Variants in RORA observed in about 807,000 individuals in gnomAD.
RORA encodes RAR related orphan receptor A, also known as nuclear receptor ROR-alpha.
RORA carries 7 observed loss-of-function variants against 69.5 expected under a neutral mutation model. The observed-to-expected ratio is 0.10, with a 90% CI of 0.06 to 0.19. RORA has a LOEUF of 0.19. Among genes scored for constraint, RORA ranks in the 10% least tolerant of loss-of-function variants. The probability of loss-of-function intolerance (pLI) is 1.00; values close to 1 mark genes in which losing one functional copy is unlikely to be tolerated. For missense variants in RORA, 457 were observed against 663.0 expected, an observed-to-expected ratio of 0.69 and a Z score of 3.41; for synonymous variants, 261 against 240.8, an observed-to-expected ratio of 1.08 and a Z score of -0.78.
chr15:61,179,405 T>A (rs911147900), intron 1 of RORA, among the ~76,000 whole-genome samples: 6 of 152,220 alleles, frequency 3.9e-5, no homozygotes, highest in Non-Finnish European at 7.4e-5. Context: ...TAAAAAAGAA[T>A]GCCACTCTTC....
intron 7 of RORA, 46 bp downstream of exon 7, chr15:60,503,489 A>G: frequency 6.2e-7 from 1 of 1,600,910 alleles, no homozygotes; most frequent in Non-Finnish European, 8.5e-7. Flanking sequence ...AAGCGGGTGA[A>G]AGCAGGTTAG....
intron 1 of RORA, among the ~76,000 whole-genome samples, chr15:60,920,714 A>G (rs1892016618): frequency 6.6e-6 from 1 of 152,222 alleles, no homozygotes; most frequent in Non-Finnish European, 1.5e-5. Context: ...TAATATTGAC[A>G]AATCTTCAGG....
intron 2 of RORA, among the ~76,000 whole-genome samples, chr15:60,532,269 C>A (rs1205497335): frequency 2.0e-5 from 3 of 152,186 alleles, no homozygotes; most frequent in Middle Eastern, 3.2e-3. Flanking sequence ...GAAAAATACA[C>A]TCTAAAAAGT....
At chr15:61,221,202 A>G (rs190141669) in intron 1 of RORA, among the ~76,000 whole-genome samples, 3 of 152,330 alleles carry the variant, frequency 2.0e-5, no homozygotes, top group Non-Finnish European at 2.9e-5. Flanking sequence ...CAGTACATGC[A>G]TTTATGTTTT....
At chr15:61,194,460 G>A (rs1028502248) in intron 1 of RORA, among the ~76,000 whole-genome samples, 2 of 151,674 alleles carry the variant, frequency 1.3e-5, no homozygotes, top group Non-Finnish European at 2.9e-5. Context: ...CTACTCGGGA[G>A]GCTGAGGCAG....
chr15:60,690,876 T>G (rs2070813483), intron 1 of RORA, among the ~76,000 whole-genome samples: 1 of 152,172 alleles, frequency 6.6e-6, no homozygotes, highest in Non-Finnish European at 1.5e-5. Context: ...CAGGAACAAT[T>G]TCACTAGCCT....
At chr15:60,767,624 A>T (rs140325462) in intron 1 of RORA, among the ~76,000 whole-genome samples, 14 of 152,010 alleles carry the variant, frequency 9.2e-5, no homozygotes, top group African/African-American at 3.4e-4. Flanking sequence ...CTGAAACTCA[A>T]CTCTGCTCTA....
At chr15:60,770,393 G>A (rs2072056275) in intron 1 of RORA, among the ~76,000 whole-genome samples, 1 of 152,120 alleles carries the variant, frequency 6.6e-6, no homozygotes, top group South Asian at 2.1e-4. Flanking sequence ...AAGAAATTAT[G>A]TTTTCAAAGC....
intron 1 of RORA, among the ~76,000 whole-genome samples, chr15:61,040,162 AT>A (rs1292693412): frequency 1.2e-4 from 15 of 123,496 alleles, no homozygotes; most frequent in East Asian, 5.1e-4. Flanking sequence ...ATATATATAT[AT>A]AAAATATATG....
At chr15:60,525,491 T>C (rs2066323790) in intron 3 of RORA, among the ~76,000 whole-genome samples, 1 of 152,254 alleles carries the variant, frequency 6.6e-6, no homozygotes, top group Admixed American at 6.5e-5. Context: ...TCCACTTCTG[T>C]ATACACATAT....
chr15:60,885,971 C>A (rs1457975441), intron 1 of RORA, among the ~76,000 whole-genome samples: 1 of 152,230 alleles, frequency 6.6e-6, no homozygotes, highest in Non-Finnish European at 1.5e-5. Flanking sequence ...CAGGCAGCTT[C>A]TCTGCTGCCT....
At chr15:61,044,175 T>A (rs1465271792) in intron 1 of RORA, among the ~76,000 whole-genome samples, 1 of 152,214 alleles carries the variant, frequency 6.6e-6, no homozygotes, top group Non-Finnish European at 1.5e-5. Flanking sequence ...TGTGCTTGTG[T>A]CCTGAGGTTT....
chr15:60,541,419 T>C (rs995866233), intron 2 of RORA, among the ~76,000 whole-genome samples: 57 of 152,358 alleles, frequency 3.7e-4, no homozygotes, highest in African/African-American at 1.4e-3. Context: ...TGACTTTCCC[T>C]AAATGCATGG....
chr15:60,611,914 G>A (rs1265563721), intron 2 of RORA, among the ~76,000 whole-genome samples: 1 of 152,152 alleles, frequency 6.6e-6, no homozygotes, highest in Non-Finnish European at 1.5e-5. Flanking sequence ...TTTCCCCTAA[G>A]TCCTTTTAAC....
chr15:60,854,081 G>A (rs532899050), intron 1 of RORA, among the ~76,000 whole-genome samples: 1 of 152,172 alleles, frequency 6.6e-6, no homozygotes, highest in South Asian at 2.1e-4. Context: ...GACCAACATG[G>A]TGAAACCCCA....
intron 1 of RORA, among the ~76,000 whole-genome samples, chr15:60,841,640 A>G (rs568279238): frequency 3.7e-4 from 57 of 152,324 alleles, no homozygotes; most frequent in African/African-American, 1.2e-3. Flanking sequence ...GGAGTGGATT[A>G]GAAATGATGG....
rs200456283 is a variant in RORA, at chr15:60,511,669, A to G, written c.425-48T>C. 433 of 1,531,476 alleles carry G rather than the reference A, an allele frequency of 2.8e-4. 2 individuals carry two copies. Among genetic ancestry groups the G allele is most frequent in the Non-Finnish European group, 2.5e-5 (28 of 1,141,114 alleles). 94.9% of individuals were successfully genotyped at this position (1,531,476 alleles called of 1,614,324 possible). A position where few individuals can be genotyped will look rare whatever the true frequency, so the allele number is the denominator to read the frequency against. ...TACTACATACAATGCGCTTTTCTTC[A>G]ATATTCTCTCCTGCGAGCTTTGGGG... is the stretch of plus-strand genomic sequence containing the variant. On this transcript the variant is annotated intron_variant, in intron 4 of 10. Transcript: ENST00000335670. This position sits in a 1 kb window ranked among gnomAD's most constrained non-coding sequence, Gnocchi z 6.4.
intron 2 of RORA, among the ~76,000 whole-genome samples, chr15:60,546,780 G>A (rs868779236): frequency 4.5e-4 from 69 of 152,122 alleles, no homozygotes; most frequent in African/African-American, 1.5e-3. Context: ...AGCACCAAGC[G>A]GCCTCATGAT....
At chr15:60,940,783 C>T (rs557422936) in intron 1 of RORA, among the ~76,000 whole-genome samples, 7 of 152,170 alleles carry the variant, frequency 4.6e-5, no homozygotes, top group South Asian at 2.1e-4. Context: ...AAAAATTAGC[C>T]GGGCATGGTG....
Sources: allele counts gnomAD v4.1 joint callset (sites outside exome capture counted in the v4.1 genomes callset), GRCh38; gene constraint gnomAD v4.1.1; non-coding constraint Gnocchi (gnomAD v3.1); transcripts MANE v1.5; gene names NCBI Gene and HGNC (gene_info 2026-07-23, HGNC 2026-07-21).